Variants in RNF130 observed in about 807,000 individuals in gnomAD.
RNF130 encodes the protein E3 ubiquitin-protein ligase RNF130.
RNF130 carries 21 observed loss-of-function variants against 44.6 expected under a neutral mutation model. The observed-to-expected ratio is 0.47, with a 90% CI of 0.33 to 0.68. RNF130 has a LOEUF of 0.68. RNF130 is among the 30% of genes least tolerant of loss of function. The pLI, the probability that RNF130 is intolerant of heterozygous loss-of-function variation, is 0.02. For missense variants in RNF130, 479 were observed against 560.6 expected, an observed-to-expected ratio of 0.85 and a Z score of 1.47; for synonymous variants, 214 against 210.4, an observed-to-expected ratio of 1.02 and a Z score of -0.15.
chr5:180,038,644 A>G (rs1054699142), intron 2 of RNF130, among the ~76,000 whole-genome samples: 2 of 152,102 alleles, frequency 1.3e-5, no homozygotes, highest in African/African-American at 2.4e-5. Context: ...TAACATTTCA[A>G]GGAACACAGC....
chr5:179,943,032 T>C (rs1761986971), intron 7 of RNF130, among the ~76,000 whole-genome samples: 1 of 152,116 alleles, frequency 6.6e-6, no homozygotes, highest in Non-Finnish European at 1.5e-5. Context: ...CCGTCTCTAC[T>C]AAAAACACAA....
At chr5:180,015,426 T>C (rs767319418) in intron 2 of RNF130, 30 of 495,432 alleles carry the variant, frequency 6.1e-5, no homozygotes, top group South Asian at 3.8e-4. Context: ...TGAGGCTCCC[T>C]CTTGAAGACT....
rs1269793423 is a variant in RNF130, at chr5:180,019,264, G to A, written c.443-5953C>T. On this transcript the variant is annotated intron_variant, in intron 2 of 8. Transcript: ENST00000521389. ...CCGGGCGTGGTGGCGGGCACCTGTA[G>A]TCCCAGCTACTCGGGAGGCTGAGGC... Among the ~76,000 whole-genome samples, 7 of 151,698 alleles carry A rather than the reference G, an allele frequency of 4.6e-5. 1 individual carries two copies. The South Asian group carries it at 1.2e-3, about 27-fold the overall frequency.
chr5:180,033,607 T>C (rs1427405106), intron 2 of RNF130, among the ~76,000 whole-genome samples: 1 of 151,848 alleles, frequency 6.6e-6, no homozygotes, highest in Non-Finnish European at 1.5e-5. Context: ...GGAGAATCAC[T>C]TTCACTTGAA....
At chr5:180,050,403 G>A (rs575316206) in intron 1 of RNF130, among the ~76,000 whole-genome samples, 1 of 152,166 alleles carries the variant, frequency 6.6e-6, no homozygotes, top group Non-Finnish European at 1.5e-5. Context: ...TGCCATCAGT[G>A]GAATGGATAA....
intron 3 of RNF130, among the ~76,000 whole-genome samples, chr5:179,998,375 G>A (rs1763249523): frequency 6.6e-6 from 1 of 152,128 alleles, no homozygotes; most frequent in African/African-American, 2.4e-5. Flanking sequence ...CCATGTATTT[G>A]TACAATTCCA....
At chr5:179,971,577 G>T (rs1347109191) in intron 5 of RNF130, among the ~76,000 whole-genome samples, 1 of 152,180 alleles carries the variant, frequency 6.6e-6, no homozygotes, top group Non-Finnish European at 1.5e-5. Context: ...CACCATGTTA[G>T]CCAGGATGGT....
chr5:179,914,319 T>C (rs1241979763), exon 8 of RNF130: 2 of 152,264 alleles, frequency 1.3e-5, no homozygotes, highest in Non-Finnish European at 2.9e-5. Context: ...ATGTTGACTT[T>C]AGTCACATTA....
downstream of RNF130, among the ~76,000 whole-genome samples, chr5:179,953,294 T>A (rs980747208): frequency 2.0e-5 from 3 of 151,186 alleles, no homozygotes; most frequent in Non-Finnish European, 2.9e-5. Flanking sequence ...GCAATCCCTA[T>A]AAAATCCTAG....
Position 179,967,671 on chromosome 5 carries a change from A to C in RNF130, c.946-661T>G, listed in dbSNP as rs187047694. Among the ~76,000 whole-genome samples, 9 of 152,012 alleles carry C rather than the reference A, an allele frequency of 5.9e-5. No individual in the cohort carries two copies. The East Asian group carries it at 1.3e-3, about 23-fold the overall frequency. Reference sequence around the variant, plus strand: ...CAATGTGGCTATTTGTTTACCTAACAACCTTTGGTTCTCTCAGCAGGCAGC... The same window carrying C: ...CAATGTGGCTATTTGTTTACCTAACCACCTTTGGTTCTCTCAGCAGGCAGC... On this transcript the variant is annotated intron_variant, in intron 6 of 8. Transcript: ENST00000521389.
chr5:180,021,034 T>C lies in RNF130; in HGVS notation c.443-7723A>G, dbSNP rs181502406. On this transcript the variant is annotated intron_variant, in intron 2 of 8. Coordinates refer to ENST00000521389, the MANE Select transcript of RNF130 (RefSeq NM_018434.6). ...GTCTCACTCTGTCGCCAGGCTGGAG[T>C]GCAGTGGCGCAATCTCTGCCTCGCG... is the stretch of plus-strand genomic sequence containing the variant. Among the ~76,000 whole-genome samples the C allele has an allele frequency of 8.0e-3, 487 of 60,986 alleles. 4 individuals are homozygous for C. Among genetic ancestry groups the C allele is most frequent in the African/African-American group, 0.028 (456 of 16,094 alleles). The allele number at this position is 60,986 out of a possible 152,430, so 40.0% of individuals were successfully genotyped here.
intron 1 of RNF130, 110 bp from the exon 2 acceptor site, chr5:180,040,757 G>A (rs1764389387): frequency 2.1e-6 from 2 of 951,770 alleles, no homozygotes; most frequent in Non-Finnish European, 3.1e-6. Context: ...ACGTGAAGCA[G>A]CTCGCTGCCA....
intron 7 of RNF130, 181 bp from the exon 8 acceptor site, chr5:179,963,745 A>T (rs1013580517): frequency 5.0e-6 from 3 of 602,304 alleles, no homozygotes; most frequent in Middle Eastern, 2.6e-4. Flanking sequence ...TAGTGGAAGT[A>T]CTGGTGAAAG....
intron 7 of RNF130, among the ~76,000 whole-genome samples, chr5:179,946,260 T>C (rs935061775): frequency 2.6e-5 from 4 of 152,190 alleles, no homozygotes; most frequent in African/African-American, 9.6e-5. Flanking sequence ...TCACTGTCCA[T>C]GTGTCTAGGC....
intron 1 of RNF130, among the ~76,000 whole-genome samples, chr5:180,063,727 C>G (rs1163164569): frequency 6.6e-6 from 1 of 152,178 alleles, no homozygotes; most frequent in Non-Finnish European, 1.5e-5. Context: ...CTTAACATGT[C>G]TGATCTCAAA....
chr5:180,040,680 T>C (rs772129408), intron 1 of RNF130, 33 bp from the exon 2 acceptor site: 1 of 1,578,896 alleles, frequency 6.3e-7, no homozygotes, highest in Admixed American at 1.8e-5. Context: ...ACATTAAAGA[T>C]AAATAAAACT....
intron 8 of RNF130, among the ~76,000 whole-genome samples, chr5:179,961,453 G>C (rs1762327255): frequency 6.6e-6 from 1 of 152,124 alleles, no homozygotes; most frequent in Non-Finnish European, 1.5e-5. Context: ...TTTAGGCATG[G>C]AACTAAAATA....
chr5:180,061,262 G>A (rs1317046774), intron 1 of RNF130, among the ~76,000 whole-genome samples: 1 of 151,932 alleles, frequency 6.6e-6, no homozygotes, highest in Non-Finnish European at 1.5e-5. Flanking sequence ...GGCTCAGGAT[G>A]GTCTTTTGGA....
At chr5:180,004,300 G>C (rs1763414649) in intron 3 of RNF130, among the ~76,000 whole-genome samples, 1 of 152,124 alleles carries the variant, frequency 6.6e-6, no homozygotes, top group South Asian at 2.1e-4. Context: ...TTCACACTGT[G>C]CCCTATTCCT....
Sources: gnomAD v4.1 joint callset for allele counts (sites outside exome capture counted in the v4.1 genomes callset) on GRCh38, gnomAD v4.1.1 for gene constraint, MANE v1.5 for transcripts, NCBI Gene and HGNC (gene_info 2026-07-23, HGNC 2026-07-21) for gene names.